Variants in STK10 observed in about 807,000 individuals in gnomAD.
STK10 encodes the protein serine/threonine kinase 10.
STK10 carries 78 observed loss-of-function variants against 113.8 expected under a neutral mutation model. The ratio of observed to expected loss-of-function variants is 0.69; its 90% confidence interval spans 0.57 to 0.83. The LOEUF (loss-of-function observed/expected upper bound fraction) is 0.83. Ranked by LOEUF, STK10 falls within the 40% of genes least tolerant of loss-of-function variation. The pLI is 0.00. For synonymous variants in STK10, 465 were observed against 494.7 expected (o/e 0.94, Z 0.80); for missense variants, 1,109 against 1,280.1 (o/e 0.87, Z 2.04).
chr5:172,099,721 C>T (rs562426792), intron 7 of STK10, among the ~76,000 whole-genome samples: 1 of 152,134 alleles, frequency 6.6e-6, no homozygotes, highest in African/African-American at 2.4e-5. Context: ...CCACACTGCG[C>T]AATCTAACAC....
chr5:172,178,591 C>T (rs1014006508), intron 1 of STK10, among the ~76,000 whole-genome samples: 1 of 152,184 alleles, frequency 6.6e-6, no homozygotes, highest in African/African-American at 2.4e-5. Flanking sequence ...CAATAGCTCC[C>T]GCAGGTGTAG....
chr5:172,093,224 CTTTA>C lies in STK10; in HGVS notation c.1554+184_1554+187del, dbSNP rs79186613. On this transcript the variant is annotated intron_variant, in intron 9 of 18. Transcript: ENST00000176763. The surrounding 1 kb of genome is among the most constrained non-coding windows in gnomAD (Gnocchi z 4.1). ...TTGAAATTTAAACCCAAACCAACTG[CTTTA>C]CATTCCTAAATCCCATATTGAACCC... Among the ~76,000 whole-genome samples, 975 of 152,336 alleles carry C rather than the reference CTTTA, an allele frequency of 6.4e-3. 8 individuals are homozygous for C. The highest frequency in any genetic ancestry group is 0.01 in the Non-Finnish European group (714 of 68,026).
intron 4 of STK10, among the ~76,000 whole-genome samples, chr5:172,115,475 G>A (rs964151161): frequency 6.6e-6 from 1 of 152,126 alleles, no homozygotes; most frequent in Non-Finnish European, 1.5e-5. Context: ...CCAGGGATAC[G>A]GTCCTGGCAG....
At chr5:172,169,326 G>A (rs563657574) in intron 1 of STK10, among the ~76,000 whole-genome samples, 1 of 152,330 alleles carries the variant, frequency 6.6e-6, no homozygotes, top group Non-Finnish European at 1.5e-5. Context: ...TGGCACAGAA[G>A]AGCCAGTGGG....
chr5:172,186,336 G>A (rs1040861085), intron 1 of STK10, among the ~76,000 whole-genome samples: 2 of 151,598 alleles, frequency 1.3e-5, no homozygotes, highest in East Asian at 1.9e-4. Flanking sequence ...AATTGCCACC[G>A]CTCCAGGTCA....
At chr5:172,056,009 T>C (rs1400075275) in intron 15 of STK10, among the ~76,000 whole-genome samples, 1 of 152,244 alleles carries the variant, frequency 6.6e-6, no homozygotes, top group East Asian at 1.9e-4. Context: ...TGCCTTTTCA[T>C]CTAATCAATG....
At chr5:172,081,687 C>T (rs1768433845) in intron 12 of STK10, among the ~76,000 whole-genome samples, 1 of 152,116 alleles carries the variant, frequency 6.6e-6, no homozygotes, top group Admixed American at 6.5e-5. Context: ...TGAGGACCAC[C>T]CTCAGAGGCT....
At chr5:172,184,806 C>T (rs182657387) in intron 1 of STK10, among the ~76,000 whole-genome samples, 4 of 152,212 alleles carry the variant, frequency 2.6e-5, no homozygotes, top group Non-Finnish European at 4.4e-5. Context: ...GCACGCGCCA[C>T]CACACCCGGC....
chr5:172,082,827 C>T lies in STK10; in HGVS notation c.1809+134G>A, dbSNP rs1238178273. On this transcript the variant is annotated intron_variant, in intron 11 of 18. Coordinates refer to ENST00000176763, the MANE Select transcript of STK10 (RefSeq NM_005990.4). The surrounding 1 kb of genome is among the most constrained non-coding windows in gnomAD (Gnocchi z 4.3). ...TTAACAAGTCACTGCCTAACAAGAT[C>T]GGGAAGCCCCCAGGAATTGGGCAAT... 3.6e-6 allele frequency: 5 copies of T among 1,393,814 alleles called. No homozygotes were observed. Among genetic ancestry groups the T allele is most frequent in the African/African-American group, 2.9e-5 (2 of 69,016 alleles). 86.3% of individuals were successfully genotyped at this position (1,393,814 alleles called of 1,614,324 possible).
chr5:172,157,143 T>A (rs1190132423), intron 1 of STK10, among the ~76,000 whole-genome samples: 1 of 152,206 alleles, frequency 6.6e-6, no homozygotes, highest in Non-Finnish European at 1.5e-5. Flanking sequence ...AACTACGCCT[T>A]CATACATGCT....
chr5:172,182,308 GAAAAAAA>G (rs567194724), intron 1 of STK10, among the ~76,000 whole-genome samples: 1 of 92,134 alleles, frequency 1.1e-5, no homozygotes, highest in Non-Finnish European at 2.2e-5. Flanking sequence ...GTCTCAGAGG[GAAAAAAA>G]AAAAAAAAAA....
chr5:172,116,427 G>A (rs557103539), intron 4 of STK10, among the ~76,000 whole-genome samples: 4 of 152,246 alleles, frequency 2.6e-5, no homozygotes, highest in East Asian at 1.9e-4. Flanking sequence ...ATCATTTGGC[G>A]ATGCAGAAGT....
At chr5:172,164,606 A>G (rs1770530891) in intron 1 of STK10, among the ~76,000 whole-genome samples, 1 of 152,212 alleles carries the variant, frequency 6.6e-6, no homozygotes, top group African/African-American at 2.4e-5. Flanking sequence ...AGATGCCTGT[A>G]TATTCTGCAA....
At position 172,130,378 on chromosome 5, in the gene STK10, A is replaced by T. The variant is rs539492570; in HGVS notation, c.322-2957T>A. ...AAACCCCGTCTCCACTAAAAATACA[A>T]AAAGTAGCCAGGTGTGGTGGCGGGC... On this transcript the variant is annotated intron_variant, in intron 2 of 18. Coordinates refer to ENST00000176763, the MANE Select transcript of STK10 (RefSeq NM_005990.4). Among the ~76,000 whole-genome samples, 11 of 152,244 alleles carry T rather than the reference A, an allele frequency of 7.2e-5. No individual in the cohort carries two copies. In the South Asian group the frequency reaches 1.0e-3, roughly 14 times the overall value.
Position 172,082,295 on chromosome 5 carries a change from A to G in STK10, c.1989+31T>C, listed in dbSNP as rs1768450506. ...CCAAGAAGGCCCCTAATACTCCGAG[A>G]TGCCCCTGCCCCCACTGAGCACATA... On this transcript the variant is annotated intron_variant, in intron 12 of 18. Transcript: ENST00000176763. This position sits in a 1 kb window ranked among gnomAD's most constrained non-coding sequence, Gnocchi z 4.3. The G allele has an allele frequency of 1.4e-6, 2 of 1,478,442 alleles. No homozygotes were observed. Among genetic ancestry groups the G allele is most frequent in the East Asian group, 5.1e-5 (2 of 39,378 alleles). 91.6% of individuals were successfully genotyped at this position (1,478,442 alleles called of 1,614,324 possible).
intron 1 of STK10, among the ~76,000 whole-genome samples, chr5:172,161,690 TTA>T (rs1770475286): frequency 6.6e-6 from 1 of 152,198 alleles, no homozygotes; most frequent in African/African-American, 2.4e-5. Context: ...GCAGTGCTGC[TTA>T]TATGTGTCAG....
intron 6 of STK10, 75 bp downstream of exon 6, chr5:172,106,545 G>GC (rs951504133): frequency 1.4e-6 from 2 of 1,459,712 alleles, no homozygotes; most frequent in African/African-American, 2.8e-5. Flanking sequence ...CACCTCCCCA[G>GC]CCCCGTCCAC....
chr5:172,175,498 C>A (rs1770742245), intron 1 of STK10, among the ~76,000 whole-genome samples: 1 of 152,136 alleles, frequency 6.6e-6, no homozygotes, highest in African/African-American at 2.4e-5. Context: ...CAGCCCCACC[C>A]ACCAGGGTGC....
At chr5:172,103,308 G>C (rs889641544) in intron 7 of STK10, among the ~76,000 whole-genome samples, 1 of 152,260 alleles carries the variant, frequency 6.6e-6, no homozygotes, top group Non-Finnish European at 1.5e-5. Context: ...AGCAGCACAG[G>C]CGTGAAAGGT....
Sources: allele counts gnomAD v4.1 joint callset (sites outside exome capture counted in the v4.1 genomes callset), GRCh38; gene constraint gnomAD v4.1.1; non-coding constraint Gnocchi (gnomAD v3.1); transcripts MANE v1.5; gene names NCBI Gene and HGNC (gene_info 2026-07-23, HGNC 2026-07-21).